The following RFX7 variants were observed in gnomAD, a reference collection of about 807,000 sequenced individuals.
RFX7 encodes DNA-binding protein RFX7.
RFX7 carries 26 observed loss-of-function variants against 111.8 expected under a neutral mutation model. The observed-to-expected ratio is 0.23, with a 90% CI of 0.17 to 0.32. The LOEUF (loss-of-function observed/expected upper bound fraction) is 0.32, where lower values mean the gene tolerates loss of function less well. Among genes scored for constraint, RFX7 ranks in the 10% least tolerant of loss-of-function variants. The pLI, the probability that RFX7 is intolerant of heterozygous loss-of-function variation, is 1.00. For missense variants in RFX7, 1,573 were observed against 1,772.9 expected (o/e 0.89, Z 2.02); for synonymous variants, 624 against 624.4 (o/e 1.00, Z 0.01).
intron 2 of RFX7, among the ~76,000 whole-genome samples, chr15:56,209,661 T>C (rs1201174952): frequency 6.6e-6 from 1 of 152,026 alleles, no homozygotes; most frequent in Non-Finnish European, 1.5e-5. Context: ...ACAGTAGTAA[T>C]ATAAGAAACC....
At chr15:56,141,665 A>C (rs1224079519) in intron 5 of RFX7, among the ~76,000 whole-genome samples, 1 of 129,962 alleles carries the variant, frequency 7.7e-6, no homozygotes, top group Admixed American at 7.7e-5. Flanking sequence ...AAATATATAT[A>C]TATATATATA....
At chr15:56,222,180 G>T (rs1261343788) in intron 2 of RFX7, among the ~76,000 whole-genome samples, 8 of 152,102 alleles carry the variant, frequency 5.3e-5, no homozygotes, top group Non-Finnish European at 1.0e-4. Context: ...CACTTAAAAG[G>T]TTCCATTGTC....
At chr15:56,237,490 A>T (rs1363789694) in intron 2 of RFX7, among the ~76,000 whole-genome samples, 1 of 152,196 alleles carries the variant, frequency 6.6e-6, no homozygotes, top group Non-Finnish European at 1.5e-5. Flanking sequence ...AGCATGCAAT[A>T]TTATTTTCTA....
At chr15:56,103,405 T>A in intron 6 of RFX7, 149 bp downstream of exon 6, 1 of 570,384 alleles carries the variant, frequency 1.8e-6, no homozygotes, top group Non-Finnish European at 3.1e-6. Flanking sequence ...CTGTGAAAGT[T>A]ACATTTGCAA....
chr15:56,181,310 G>C (rs1028214167), intron 2 of RFX7, among the ~76,000 whole-genome samples: 3 of 152,068 alleles, frequency 2.0e-5, no homozygotes, highest in Non-Finnish European at 4.4e-5. Flanking sequence ...TTTGTTACTT[G>C]CTCCATGTTA....
chr15:56,227,082 G>A (rs2043493635), intron 2 of RFX7, among the ~76,000 whole-genome samples: 1 of 152,160 alleles, frequency 6.6e-6, no homozygotes, highest in South Asian at 2.1e-4. Flanking sequence ...GAAAAATTAA[G>A]TGGTTTATAC....
chr15:56,217,711 G>A (rs1163340840), intron 2 of RFX7, among the ~76,000 whole-genome samples: 1 of 152,122 alleles, frequency 6.6e-6, no homozygotes, highest in East Asian at 1.9e-4. Flanking sequence ...TGCATGATAT[G>A]TACAATTTAT....
intron 2 of RFX7, among the ~76,000 whole-genome samples, chr15:56,213,577 T>C (rs977897585): frequency 5.9e-5 from 9 of 152,192 alleles, no homozygotes; most frequent in Admixed American, 5.2e-4. Flanking sequence ...CCATGAGGGA[T>C]ATTTGCAGTG....
chr15:56,200,763 C>T (rs2043186054), intron 2 of RFX7, among the ~76,000 whole-genome samples: 1 of 151,980 alleles, frequency 6.6e-6, no homozygotes, highest in Non-Finnish European at 1.5e-5. Flanking sequence ...CGCACCACTG[C>T]ACTCCAGCCT....
chr15:56,239,448 T>C (rs2043662151), intron 2 of RFX7, among the ~76,000 whole-genome samples: 1 of 151,890 alleles, frequency 6.6e-6, no homozygotes, highest in Admixed American at 6.5e-5. Context: ...TTTTGTATTT[T>C]TAGTAGAGAC....
At chr15:56,139,239 A>G (rs1192845012) in intron 5 of RFX7, among the ~76,000 whole-genome samples, 4 of 150,774 alleles carry the variant, frequency 2.7e-5, no homozygotes, top group Non-Finnish European at 4.5e-5. Flanking sequence ...TCTCCCCATC[A>G]CTTTCAGGTA....
intron 5 of RFX7, among the ~76,000 whole-genome samples, chr15:56,109,499 G>A (rs1164435570): frequency 6.6e-6 from 1 of 152,042 alleles, no homozygotes; most frequent in Admixed American, 6.5e-5. Context: ...GTCTCTGCCT[G>A]GCCGCCCATC....
chr15:56,141,607 G>C (rs1057458068), intron 5 of RFX7, among the ~76,000 whole-genome samples: 40 of 130,742 alleles, frequency 3.1e-4, no homozygotes, highest in African/African-American at 1.1e-3. Context: ...GTTTCGGAGG[G>C]GTCTATTTTA....
intron 5 of RFX7, among the ~76,000 whole-genome samples, chr15:56,124,423 GAA>G (rs1555419205): frequency 1.9e-5 from 2 of 104,474 alleles, no homozygotes; most frequent in South Asian, 4.6e-4. Context: ...CTCAGTCTCC[GAA>G]AAAAAAAAAA....
intron 2 of RFX7, among the ~76,000 whole-genome samples, chr15:56,224,014 A>G (rs1201045676): frequency 6.6e-6 from 1 of 151,096 alleles, no homozygotes; most frequent in Non-Finnish European, 1.5e-5. Context: ...ATTTAAAAAT[A>G]ATAAGCAGTC....
chr15:56,111,388 C>T (rs2041928670), intron 5 of RFX7, among the ~76,000 whole-genome samples: 1 of 151,984 alleles, frequency 6.6e-6, no homozygotes, highest in South Asian at 2.1e-4. Flanking sequence ...TGTGTCCACT[C>T]AGGGTTAAAT....
rs972833776 is a variant in RFX7, at chr15:56,093,700, T to G, written c.4028A>C (p.Gln1343Pro). Residue 1343 changes from glutamine (Q) to proline (P), a missense_variant, in exon 10 of 10, where the codon CAA becomes CCA. This residue lies in a region of RFX7 where 411 missense variants were observed against 478.1 expected (regional missense o/e 0.86). Coordinates refer to ENST00000559447, the MANE Select transcript of RFX7 (RefSeq NM_022841.7). ...NQAQSEIGEQ[Q>P]LDFNSTVKDL... The stretch of plus-strand genomic sequence containing the variant: ...TTTAACAGTGCTATTGAAATCTAAT[T>G]GTTGCTCTCCAATTTCTGATTGTGC... 6.2e-7 allele frequency: 1 copy of G among 1,613,684 alleles called. No individual in the cohort carries two copies. The highest frequency in any genetic ancestry group is 1.3e-5 in the African/African-American group (1 of 74,914).
intron 2 of RFX7, among the ~76,000 whole-genome samples, chr15:56,211,060 C>A (rs1181658867): frequency 1.3e-5 from 2 of 151,990 alleles, no homozygotes; most frequent in African/African-American, 4.8e-5. Context: ...CTGGGTGACA[C>A]AATCTGCAAA....
intron 3 of RFX7, among the ~76,000 whole-genome samples, chr15:56,175,997 T>G (rs1024102495): frequency 6.6e-6 from 1 of 152,192 alleles, no homozygotes; most frequent in African/African-American, 2.4e-5. Flanking sequence ...TTCTTGCTTA[T>G]GGCTGCTGCC....
Sources: allele counts gnomAD v4.1 joint callset (sites outside exome capture counted in the v4.1 genomes callset), GRCh38; gene constraint gnomAD v4.1.1; regional missense constraint gnomAD v4.1.1; transcripts MANE v1.5; gene names NCBI Gene and HGNC (gene_info 2026-07-23, HGNC 2026-07-21).